The following ZC3H12B variants were observed in gnomAD, a reference collection of about 807,000 sequenced individuals.
The protein encoded by ZC3H12B is probable ribonuclease ZC3H12B.
Under a neutral mutation model 43.9 loss-of-function variants are expected in ZC3H12B, and 7 were observed. That is an observed-to-expected ratio of 0.16 (90% confidence interval 0.09 to 0.30). ZC3H12B has a LOEUF of 0.30. ZC3H12B is among the 10% of genes least tolerant of loss of function. ZC3H12B has a pLI of 1.00. For missense variants in ZC3H12B, 475 were observed against 670.2 expected (o/e 0.71, Z 3.22); for synonymous variants, 222 against 241.7 (o/e 0.92, Z 0.76).
chrX:65,317,035 C>A, the ZC3H12B span, among the ~76,000 whole-genome samples: 1 of 110,624 alleles, frequency 9.0e-6, no homozygotes, highest in Non-Finnish European at 1.9e-5. Context: ...CAACAACAAT[C>A]AAAAAAGACA....
At chrX:65,233,912 T>G in the ZC3H12B span, among the ~76,000 whole-genome samples, 1 of 111,345 alleles carries the variant, frequency 9.0e-6, no homozygotes, top group Non-Finnish European at 1.9e-5. Context: ...CCACAGAAAT[T>G]GAAAGCATCA....
the ZC3H12B span, among the ~76,000 whole-genome samples, chrX:65,318,453 T>C: frequency 9.3e-6 from 1 of 107,558 alleles, no homozygotes; most frequent in Non-Finnish European, 1.9e-5. Flanking sequence ...TCACTCCTGT[T>C]GCCTAGGCTG....
the ZC3H12B span, among the ~76,000 whole-genome samples, chrX:65,352,279 A>G: frequency 9.0e-6 from 1 of 111,504 alleles, no homozygotes; most frequent in Non-Finnish European, 1.9e-5. Context: ...GAGCACATGG[A>G]CACAGGGATG....
the ZC3H12B span, among the ~76,000 whole-genome samples, chrX:65,077,053 T>C: frequency 1.8e-5 from 2 of 112,061 alleles, no homozygotes; most frequent in South Asian, 7.4e-4. Flanking sequence ...TTTTAGCAAG[T>C]AATGATCCTG....
At chrX:65,171,142 T>C in the ZC3H12B span, among the ~76,000 whole-genome samples, 4 of 111,457 alleles carry the variant, frequency 3.6e-5, no homozygotes, top group Admixed American at 3.8e-4. Flanking sequence ...TTTTCAGCTT[T>C]TCTGCTTGGT....
At chrX:65,056,449 C>G in the ZC3H12B span, among the ~76,000 whole-genome samples, 6 of 111,601 alleles carry the variant, frequency 5.4e-5, no homozygotes, top group East Asian at 2.8e-4. Flanking sequence ...ACTGTGGTCT[C>G]AGAGACAGTT....
At chrX:65,471,940 C>T (rs1211688659) in intron 3 of ZC3H12B, among the ~76,000 whole-genome samples, 1 of 111,468 alleles carries the variant, frequency 9.0e-6, no homozygotes, top group Admixed American at 9.6e-5. Flanking sequence ...TCAGAGGTAT[C>T]CTGGCGCATA....
intron 2 of ZC3H12B, among the ~76,000 whole-genome samples, chrX:65,385,678 T>C (rs1232671287): frequency 9.0e-6 from 1 of 111,577 alleles, no homozygotes; most frequent in Non-Finnish European, 1.9e-5. Flanking sequence ...ATTCCAACAC[T>C]GTGTTGAATA....
the ZC3H12B span, among the ~76,000 whole-genome samples, chrX:65,279,230 G>C: frequency 9.2e-6 from 1 of 109,053 alleles, no homozygotes; most frequent in East Asian, 2.9e-4. Context: ...TTCCAAAGTG[G>C]TTGAAAAGTA....
At chrX:65,122,636 A>G in the ZC3H12B span, among the ~76,000 whole-genome samples, 1 of 111,125 alleles carries the variant, frequency 9.0e-6, no homozygotes, top group Non-Finnish European at 1.9e-5. Flanking sequence ...TATTCAGGAA[A>G]CCCATCTCAC....
Position 65,496,370 on chromosome X carries a change from C to A in ZC3H12B, c.609-762C>A, listed in dbSNP as rs771305556. Among the ~76,000 whole-genome samples the A allele has an allele frequency of 1.8e-5, 2 of 111,754 alleles. 1 individual carries two copies. The highest frequency in any genetic ancestry group is 7.4e-4 in the South Asian group (2 of 2,710). ...TAATATATATGTGCTTAAGACTTAT[C>A]CCCAATTAATACTCTATATAAACTT... On this transcript the variant is annotated intron_variant, in intron 1 of 4. Coordinates refer to ENST00000338957, the Ensembl canonical transcript of ZC3H12B.
the ZC3H12B span, among the ~76,000 whole-genome samples, chrX:65,263,523 CTGGAACATTTACTCTGTAAAGTAAAAGAG>C: frequency 9.0e-6 from 1 of 110,849 alleles, no homozygotes; most frequent in African/African-American, 3.3e-5. Flanking sequence ...GTCCAGGAAA[CTGGAACATTTACTCTGTAAAGTAAAAGAG>C]TAATTGTAAT....
rs768234952 is a variant in ZC3H12B, at chrX:65,407,956, T to C, written n.407+9252T>C. ...GTACGCCCGGCCTAGCGCGCCTGCG[T>C]GCGTGGCCACCTCGCTCCCCGCTTC... On this transcript the variant is annotated intron_variant and non_coding_transcript_variant, in intron 3 of 5. Transcript: ENST00000617377. 3.0e-4 allele frequency: 243 copies of C among 820,067 alleles called. 1 individual carries two copies. The African/African-American group carries it at 4.7e-3, about 16-fold the overall frequency. The allele number at this position is 820,067 out of a possible 1,213,427, so 67.6% of individuals were successfully genotyped here.
the ZC3H12B span, among the ~76,000 whole-genome samples, chrX:65,282,878 G>A: frequency 1.8e-5 from 2 of 111,375 alleles, no homozygotes; most frequent in African/African-American, 3.3e-5. Context: ...ATTCACAGCC[G>A]AATTCTACCA....
intron 3 of ZC3H12B, among the ~76,000 whole-genome samples, chrX:65,447,206 C>A (rs751214488): frequency 7.8e-4 from 87 of 111,821 alleles, no homozygotes; most frequent in African/African-American, 2.4e-3. Flanking sequence ...AGACTGTCTT[C>A]ACTCTTTTTC....
the ZC3H12B span, among the ~76,000 whole-genome samples, chrX:65,073,286 G>A: frequency 1.8e-5 from 2 of 112,657 alleles, no homozygotes; most frequent in African/African-American, 3.2e-5. Flanking sequence ...TGTTGGGGTG[G>A]CCATGCTCTC....
At chrX:65,038,685 A>C in the ZC3H12B span, among the ~76,000 whole-genome samples, 8 of 111,157 alleles carry the variant, frequency 7.2e-5, no homozygotes, top group African/African-American at 2.0e-4. Flanking sequence ...GCTAAACCTC[A>C]GTGGTGGCAG....
chrX:65,493,212 G>A (rs1292151195), intron 1 of ZC3H12B, among the ~76,000 whole-genome samples: 1 of 110,643 alleles, frequency 9.0e-6, no homozygotes, highest in Non-Finnish European at 1.9e-5. Flanking sequence ...TTCGAGACCA[G>A]CCTGGCCAAC....
the ZC3H12B span, among the ~76,000 whole-genome samples, chrX:65,320,377 C>T: frequency 6.3e-5 from 7 of 111,670 alleles, no homozygotes; most frequent in Admixed American, 6.7e-4. Context: ...ATACAAAACA[C>T]TGTTCAAAGG....
Sources: gnomAD v4.1 joint callset for allele counts (sites outside exome capture counted in the v4.1 genomes callset) on GRCh38, gnomAD v4.1.1 for gene constraint, MANE v1.5 for transcripts, NCBI Gene and HGNC (gene_info 2026-07-23, HGNC 2026-07-21) for gene names.